The following PLCL2 variants were observed in gnomAD, a reference collection of about 807,000 sequenced individuals.
PLCL2 encodes the protein phospholipase C like 2, also known as inactive phospholipase C-like protein 2.
In PLCL2, 4 loss-of-function variants were observed where a neutral mutation model predicts 79.6. The observed-to-expected ratio is 0.05, with a 90% confidence interval of 0.02 to 0.11. PLCL2 has a LOEUF of 0.11. Among genes scored for constraint, PLCL2 ranks in the 10% least tolerant of loss-of-function variants. PLCL2 has a pLI of 1.00. For synonymous variants in PLCL2, 484 were observed against 457.7 expected (o/e 1.06, Z -0.73); for missense variants, 895 against 1,291.0 (o/e 0.69, Z 4.70).
chr3:16,960,792 T>C (rs570531557), intron 1 of PLCL2, among the ~76,000 whole-genome samples: 81 of 152,330 alleles, frequency 5.3e-4, no homozygotes, highest in Middle Eastern at 3.4e-3. Context: ...AAAAATATTA[T>C]AGGCTCCATT....
intron 1 of PLCL2, among the ~76,000 whole-genome samples, chr3:16,901,968 C>A (rs1419085084): frequency 6.6e-6 from 1 of 152,194 alleles, no homozygotes; most frequent in Non-Finnish European, 1.5e-5. Flanking sequence ...TTCTGGACAA[C>A]TTGTTCCATA....
intron 1 of PLCL2, among the ~76,000 whole-genome samples, chr3:16,952,637 A>G (rs1405792538): frequency 6.6e-6 from 1 of 152,022 alleles, no homozygotes; most frequent in Non-Finnish European, 1.5e-5. Flanking sequence ...TGTATATAGT[A>G]TGATCACATG....
intron 1 of PLCL2, among the ~76,000 whole-genome samples, chr3:16,934,530 G>C (rs1697492346): frequency 6.6e-6 from 1 of 152,180 alleles, no homozygotes. Context: ...AATCACCGTA[G>C]CTCTCCATAA....
intron 1 of PLCL2, among the ~76,000 whole-genome samples, chr3:16,892,622 T>G (rs146243874): frequency 6.6e-6 from 1 of 152,348 alleles, no homozygotes; most frequent in Non-Finnish European, 1.5e-5. Context: ...TCTGGAGTAC[T>G]GATAAGAGTT....
At chr3:16,979,360 A>ATTTG (rs1553640839) in intron 1 of PLCL2, among the ~76,000 whole-genome samples, 2 of 139,348 alleles carry the variant, frequency 1.4e-5, no homozygotes, top group African/African-American at 2.7e-5. Context: ...TTTTTTTTTT[A>ATTTG]ATCATTCTTG....
At chr3:16,976,473 A>C (rs1006396137) in intron 1 of PLCL2, among the ~76,000 whole-genome samples, 1 of 152,206 alleles carries the variant, frequency 6.6e-6, no homozygotes, top group Non-Finnish European at 1.5e-5. Context: ...CCTTCAACTA[A>C]TTTGATGAGG....
At chr3:17,088,917 G>A (rs947374385) in intron 5 of PLCL2, among the ~76,000 whole-genome samples, 1 of 152,140 alleles carries the variant, frequency 6.6e-6, no homozygotes, top group Non-Finnish European at 1.5e-5. Context: ...TCAAGTTGAT[G>A]GTCAGACCTC....
intron 1 of PLCL2, among the ~76,000 whole-genome samples, chr3:16,915,276 T>C (rs1013095677): frequency 1.6e-4 from 25 of 152,344 alleles, no homozygotes; most frequent in African/African-American, 5.5e-4. Context: ...ATTGAAATTT[T>C]TATATTTATT....
rs186281166 is a variant in PLCL2 at position 17,004,173 on chromosome 3, C to T, written c.328-5501C>T. On this transcript the variant is annotated intron_variant, in intron 1 of 5. Coordinates refer to ENST00000615277, the MANE Select transcript of PLCL2 (RefSeq NM_001144382.2). ...TGTGACCGTGGCTCTCTGATGCATA[C>T]AAGAACAGTTATGATTTTATAGATT... Among the ~76,000 whole-genome samples, 8 of 152,236 alleles carry T rather than the reference C, an allele frequency of 5.3e-5. No homozygotes were observed. The East Asian group carries it at 1.4e-3, about 26-fold the overall frequency.
intron 4 of PLCL2, among the ~76,000 whole-genome samples, chr3:17,060,585 A>G (rs1165133263): frequency 1.3e-5 from 2 of 152,222 alleles, no homozygotes; most frequent in Non-Finnish European, 2.9e-5. Flanking sequence ...CAGAGCATAT[A>G]GTTTACAAAG....
At chr3:16,932,679 C>A (rs920235923) in intron 1 of PLCL2, among the ~76,000 whole-genome samples, 1 of 152,152 alleles carries the variant, frequency 6.6e-6, no homozygotes, top group Non-Finnish European at 1.5e-5. Context: ...GGTAGCTGAT[C>A]AGTGCTAGAA....
At chr3:17,028,526 G>C (rs567139764) in intron 3 of PLCL2, among the ~76,000 whole-genome samples, 2 of 151,070 alleles carry the variant, frequency 1.3e-5, no homozygotes, top group East Asian at 3.9e-4. Context: ...ACCCAGGCTG[G>C]ATTGCAGTGA....
chr3:16,972,982 A>C (rs932951146), intron 1 of PLCL2, among the ~76,000 whole-genome samples: 2 of 152,108 alleles, frequency 1.3e-5, no homozygotes, highest in Admixed American at 6.5e-5. Context: ...TCCCATTTAC[A>C]TCCAAGATTA....
intron 5 of PLCL2, among the ~76,000 whole-genome samples, chr3:17,085,416 C>T (rs572621912): frequency 5.1e-4 from 77 of 151,164 alleles, no homozygotes; most frequent in Non-Finnish European, 8.5e-4. Flanking sequence ...CATGAGCCAC[C>T]ACACCCAGCC....
At chr3:16,951,214 G>A (rs762179307) in intron 1 of PLCL2, among the ~76,000 whole-genome samples, 17 of 151,872 alleles carry the variant, frequency 1.1e-4, no homozygotes, top group Admixed American at 2.6e-4. Flanking sequence ...GCATTGTGCC[G>A]TTTTAAGAGG....
intron 1 of PLCL2, among the ~76,000 whole-genome samples, chr3:16,891,877 A>G (rs1022527046): frequency 6.6e-6 from 1 of 152,122 alleles, no homozygotes; most frequent in South Asian, 2.1e-4. Context: ...CTTCTCTCTT[A>G]GTAATCTTTA....
At chr3:17,088,005 G>A (rs2065238618) in intron 5 of PLCL2, among the ~76,000 whole-genome samples, 2 of 152,096 alleles carry the variant, frequency 1.3e-5, no homozygotes, top group Non-Finnish European at 2.9e-5. Context: ...CAACATGTGA[G>A]TTCAGTGACT....
At chr3:16,913,284 GT>G (rs893830572) in intron 1 of PLCL2, among the ~76,000 whole-genome samples, 1 of 151,552 alleles carries the variant, frequency 6.6e-6, no homozygotes, top group Non-Finnish European at 1.5e-5. Flanking sequence ...TCTCCTTTTG[GT>G]TAGCAAGCCC....
At chr3:16,909,926 A>G (rs1696837122) in intron 1 of PLCL2, among the ~76,000 whole-genome samples, 1 of 152,086 alleles carries the variant, frequency 6.6e-6, no homozygotes. Flanking sequence ...ATGGCCCACT[A>G]TGATCACATC....
Sources: allele counts gnomAD v4.1 joint callset (sites outside exome capture counted in the v4.1 genomes callset), GRCh38; gene constraint gnomAD v4.1.1; transcripts MANE v1.5; gene names NCBI Gene and HGNC (gene_info 2026-07-23, HGNC 2026-07-21).